The following DENND2B variants were observed in gnomAD, a reference collection of about 807,000 sequenced individuals.
DENND2B encodes the protein DENN domain containing 2B, also known as DENN domain-containing protein 2B.
Under a neutral mutation model 116.0 loss-of-function variants are expected in DENND2B, and 32 were observed. The observed-to-expected ratio is 0.28, with a 90% CI of 0.21 to 0.37. DENND2B has a LOEUF of 0.37. Ranked by LOEUF, DENND2B falls within the 10% of genes least tolerant of loss-of-function variation. The pLI is 1.00. For synonymous variants in DENND2B, 588 were observed against 583.9 expected, an observed-to-expected ratio of 1.01 and a Z score of -0.10; for missense variants, 1,276 against 1,477.7, an observed-to-expected ratio of 0.86 and a Z score of 2.24.
At chr11:8,756,205 A>AC (rs2053579866) in intron 1 of DENND2B, among the ~76,000 whole-genome samples, 1 of 152,254 alleles carries the variant, frequency 6.6e-6, no homozygotes, top group African/African-American at 2.4e-5. Flanking sequence ...AACATGTTAA[A>AC]AAAACATGAT....
At chr11:8,774,877 A>T (rs576838355) in intron 1 of DENND2B, among the ~76,000 whole-genome samples, 3,170 of 143,788 alleles carry the variant, frequency 0.022, 137 homozygotes, top group African/African-American at 0.077. Context: ...TTTTTTTTTA[A>T]TTATTATTTT....
At chr11:8,718,481 G>C in intron 4 of DENND2B, 1 of 1,482,444 alleles carries the variant, frequency 6.7e-7, no homozygotes. Flanking sequence ...TGTTCACTGA[G>C]GCAACCTCGG....
chr11:8,764,229 A>T (rs1231471722), intron 1 of DENND2B, among the ~76,000 whole-genome samples: 2 of 146,656 alleles, frequency 1.4e-5, no homozygotes, highest in Non-Finnish European at 3.0e-5. Flanking sequence ...CAAAAAAAAA[A>T]CAAAAGAAAA....
At chr11:8,895,337 G>A (rs2064087294) in intron 1 of DENND2B, among the ~76,000 whole-genome samples, 1 of 152,066 alleles carries the variant, frequency 6.6e-6, no homozygotes, top group Non-Finnish European at 1.5e-5. Flanking sequence ...CATGGCACAT[G>A]TATACATATG....
intron 6 of DENND2B, 175 bp downstream of exon 6, chr11:8,715,428 A>C: frequency 1.6e-6 from 1 of 634,632 alleles, no homozygotes; most frequent in Non-Finnish European, 2.7e-6. Context: ...TATTGATAAG[A>C]AAGGGGAATT....
intron 4 of DENND2B, among the ~76,000 whole-genome samples, chr11:8,722,542 A>T (rs965960443): frequency 6.6e-6 from 1 of 152,268 alleles, no homozygotes; most frequent in East Asian, 1.9e-4. Context: ...GTTCAGCAAT[A>T]AGACACCCCC....
intron 4 of DENND2B, among the ~76,000 whole-genome samples, chr11:8,836,869 C>A (rs917729005): frequency 6.6e-6 from 1 of 152,216 alleles, no homozygotes; most frequent in East Asian, 1.9e-4. Flanking sequence ...GCACACACCA[C>A]CACACCTGGC....
At chr11:8,804,500 T>G (rs1429244536) in intron 1 of DENND2B, among the ~76,000 whole-genome samples, 1 of 151,624 alleles carries the variant, frequency 6.6e-6, no homozygotes, top group Non-Finnish European at 1.5e-5. Flanking sequence ...CCAGACTACC[T>G]GGGGTCTTGA....
At chr11:8,802,955 A>G (rs2060485247) in intron 1 of DENND2B, among the ~76,000 whole-genome samples, 2 of 152,206 alleles carry the variant, frequency 1.3e-5, no homozygotes, top group African/African-American at 4.8e-5. Context: ...GGGGTTAAAG[A>G]AAAGTTACTC....
rs1040838142 is a variant in DENND2B, at chr11:8,694,622, G to A, written c.3380-492C>T. On this transcript the variant is annotated intron_variant, in intron 19 of 19. Transcript: ENST00000313726. ...TACAGCCTGTCCTCCATATCCATGAGTTCTGCGTCCATGGGTTCCATGTTT... is the reference window on the plus strand; with the variant it reads ...TACAGCCTGTCCTCCATATCCATGAATTCTGCGTCCATGGGTTCCATGTTT... 3.1e-5 allele frequency: 14 copies of A among 456,422 alleles called. No individual in the cohort carries two copies. The East Asian group carries it at 3.5e-4, about 11-fold the overall frequency. The allele number at this position is 456,422 out of a possible 1,614,324, so 28.3% of individuals were successfully genotyped here.
chr11:8,772,795 G>A (rs1408468583), intron 1 of DENND2B, among the ~76,000 whole-genome samples: 7 of 152,116 alleles, frequency 4.6e-5, no homozygotes, highest in Non-Finnish European at 8.8e-5. Flanking sequence ...ACTGCCTGGG[G>A]GTGGCAGGCA....
intron 1 of DENND2B, among the ~76,000 whole-genome samples, chr11:8,790,270 A>G (rs1013549239): frequency 6.6e-6 from 1 of 152,102 alleles, no homozygotes; most frequent in African/African-American, 2.4e-5. Context: ...CAGTAACTCA[A>G]TTAATCCTTT....
intron 4 of DENND2B, 96 bp from the exon 5 acceptor site, chr11:8,717,988 CAA>C: frequency 7.0e-7 from 1 of 1,432,418 alleles, no homozygotes; most frequent in Non-Finnish European, 9.5e-7. Context: ...TCCTGTGAAC[CAA>C]AGAGAATGGC....
intron 1 of DENND2B, among the ~76,000 whole-genome samples, chr11:8,789,737 C>T (rs1286188833): frequency 2.0e-5 from 3 of 147,998 alleles, no homozygotes; most frequent in Admixed American, 6.8e-5. Context: ...TAAAACTGAA[C>T]TCCCAGCCTG....
At chr11:8,759,744 A>C (rs1420828344) in intron 1 of DENND2B, among the ~76,000 whole-genome samples, 1 of 152,166 alleles carries the variant, frequency 6.6e-6, no homozygotes. Context: ...CTGCCCAGCA[A>C]ACATCTCCTC....
intron 2 of DENND2B, among the ~76,000 whole-genome samples, chr11:8,743,518 C>T (rs1245394207): frequency 6.6e-6 from 1 of 152,074 alleles, no homozygotes; most frequent in Non-Finnish European, 1.5e-5. Flanking sequence ...CCACTGCACT[C>T]CAGCCTGGGT....
chr11:8,732,988 G>A (rs1048183185), intron 2 of DENND2B, among the ~76,000 whole-genome samples: 3 of 152,244 alleles, frequency 2.0e-5, no homozygotes, highest in African/African-American at 7.2e-5. Flanking sequence ...TCCCTGCTGG[G>A]TCACAGGCCT....
chr11:8,773,338 T>G (rs2057203203), intron 1 of DENND2B, among the ~76,000 whole-genome samples: 1 of 151,734 alleles, frequency 6.6e-6, no homozygotes, highest in Non-Finnish European at 1.5e-5. Context: ...AAGGACAGAC[T>G]CGAGGGCATC....
chr11:8,883,150 T>C (rs1048540209), intron 1 of DENND2B, among the ~76,000 whole-genome samples: 8 of 152,156 alleles, frequency 5.3e-5, no homozygotes, highest in African/African-American at 1.9e-4. Context: ...CCTGAACAGC[T>C]CTTAGAATAC....
Sources: gnomAD v4.1 joint callset for allele counts (sites outside exome capture counted in the v4.1 genomes callset) on GRCh38, gnomAD v4.1.1 for gene constraint, MANE v1.5 for transcripts, NCBI Gene and HGNC (gene_info 2026-07-23, HGNC 2026-07-21) for gene names.